The following ADGRV1 variants were observed in gnomAD, a reference collection of about 807,000 sequenced individuals.
ADGRV1 encodes the protein adhesion G protein-coupled receptor V1, also known as G-protein coupled receptor 98.
Under a neutral mutation model 596.2 loss-of-function variants are expected in ADGRV1, and 359 were observed. The ratio of observed to expected loss-of-function variants is 0.60; its 90% CI spans 0.55 to 0.66. The LOEUF is 0.66. ADGRV1 is among the 30% of genes least tolerant of loss of function. The pLI is 0.00. For missense variants in ADGRV1, 7,274 were observed against 7,575.6 expected (o/e 0.96, Z 1.48); for synonymous variants, 2,681 against 2,679.2 (o/e 1.00, Z -0.02).
chr5:90,832,449 A>C (rs1462760211), intron 77 of ADGRV1, among the ~76,000 whole-genome samples: 1 of 152,020 alleles, frequency 6.6e-6, no homozygotes, highest in Non-Finnish European at 1.5e-5. Flanking sequence ...AAATTGGATT[A>C]TTACATTTTT....
intron 27 of ADGRV1, among the ~76,000 whole-genome samples, chr5:90,681,825 A>C (rs10045394): frequency 0.68 from 91,749 of 134,180 alleles, 30,254 homozygotes; most frequent in East Asian, 0.81. Flanking sequence ...TCCCTCCCTC[A>C]CTCCGTCCCT....
At chr5:90,787,520 G>A (rs182938774) in intron 67 of ADGRV1, among the ~76,000 whole-genome samples, 6 of 151,060 alleles carry the variant, frequency 4.0e-5, no homozygotes, top group Admixed American at 4.0e-4. Context: ...CCTATGTGAT[G>A]ACAAATTATT....
intron 74 of ADGRV1, among the ~76,000 whole-genome samples, chr5:90,814,722 A>G (rs181202683): frequency 2.6e-5 from 4 of 152,304 alleles, no homozygotes; most frequent in South Asian, 2.1e-4. Context: ...CTGTGAATCA[A>G]TTAAACCTCT....
At chr5:90,843,763 A>C (rs1479744227) in intron 78 of ADGRV1, among the ~76,000 whole-genome samples, 1 of 152,216 alleles carries the variant, frequency 6.6e-6, no homozygotes. Flanking sequence ...TACACGTGTG[A>C]TGAGAATGTT....
intron 85 of ADGRV1, among the ~76,000 whole-genome samples, chr5:91,071,335 T>C (rs1237509737): frequency 6.6e-6 from 1 of 152,156 alleles, no homozygotes; most frequent in Admixed American, 6.5e-5. Context: ...GATGGCATTC[T>C]TCTTCTTTTG....
At chr5:90,927,322 A>G (rs1774602144) in intron 83 of ADGRV1, among the ~76,000 whole-genome samples, 1 of 151,394 alleles carries the variant, frequency 6.6e-6, no homozygotes, top group South Asian at 2.1e-4. Flanking sequence ...GTGCTCCTGT[A>G]TTGGGTGCAT....
chr5:90,756,442 C>A lies in ADGRV1; in HGVS notation c.11581-12C>A. The A allele has an allele frequency of 6.9e-7, 1 of 1,450,798 alleles. No individual in the cohort carries two copies. The highest frequency in any genetic ancestry group is 9.1e-7 in the Non-Finnish European group (1 of 1,094,870). The allele number at this position is 1,450,798 out of a possible 1,614,324, so 89.9% of individuals were successfully genotyped here. A position where few individuals can be genotyped will look rare whatever the true frequency, so the allele number is the denominator to read the frequency against. On this transcript the variant is annotated splice_polypyrimidine_tract_variant and intron_variant, in intron 55 of 89. Transcript: ENST00000405460. ...AAAAAATGAAACACCATCTTTTTCC[C>A]CCATCCCCCAGGATGACCTTCCTGA...
intron 27 of ADGRV1, among the ~76,000 whole-genome samples, chr5:90,682,309 G>A (rs547207247): frequency 7.2e-5 from 11 of 152,264 alleles, no homozygotes; most frequent in African/African-American, 2.6e-4. Flanking sequence ...GCTTCTTTCT[G>A]GAAGTGATTT....
In ADGRV1 at chr5:90,817,342, A is replaced by G. The variant is rs1386098860; in HGVS notation, c.16196+1606A>G. On this transcript the variant is annotated intron_variant, in intron 75 of 89. Coordinates refer to ENST00000405460, the MANE Select transcript of ADGRV1 (RefSeq NM_032119.4). ...TTTGTCAGATGAGTAGGTTGCGAAAATTGTCTCCCATTTTGTAGGTTGCCT... is the reference window on the plus strand; with the variant it reads ...TTTGTCAGATGAGTAGGTTGCGAAAGTTGTCTCCCATTTTGTAGGTTGCCT... Among the ~76,000 whole-genome samples the G allele has an allele frequency of 1.1e-4, 16 of 151,464 alleles. No homozygotes were observed. The East Asian group carries it at 2.9e-3, about 27-fold the overall frequency.
At chr5:90,675,551 G>A (rs571198709) in intron 24 of ADGRV1, 106 bp downstream of exon 24, 10 of 1,118,884 alleles carry the variant, frequency 8.9e-6, no homozygotes, top group Middle Eastern at 4.5e-4. Flanking sequence ...ACTCACGCCT[G>A]TAATCCTAGC....
At chr5:90,597,978 T>G (rs1289861050) in intron 1 of ADGRV1, among the ~76,000 whole-genome samples, 1 of 152,134 alleles carries the variant, frequency 6.6e-6, no homozygotes, top group African/African-American at 2.4e-5. Flanking sequence ...TGATGGGGAA[T>G]CTGATGCAAT....
chr5:90,935,298 A>T (rs1032078043), intron 83 of ADGRV1, among the ~76,000 whole-genome samples: 1 of 152,190 alleles, frequency 6.6e-6, no homozygotes, highest in Non-Finnish European at 1.5e-5. Flanking sequence ...CACATACTCC[A>T]TAGTTTTGCT....
intron 45 of ADGRV1, among the ~76,000 whole-genome samples, chr5:90,723,582 T>G (rs1751371903): frequency 6.6e-6 from 1 of 152,208 alleles, no homozygotes; most frequent in Admixed American, 6.5e-5. Flanking sequence ...TGTCCATATG[T>G]CAGGACCATT....
chr5:90,618,988 T>A (rs1341308534), intron 3 of ADGRV1, 98 bp from the exon 4 acceptor site: 2 of 533,370 alleles, frequency 3.7e-6, no homozygotes, highest in Non-Finnish European at 6.4e-6. Flanking sequence ...TTTTATTATA[T>A]TCTGAATAAC....
intron 83 of ADGRV1, among the ~76,000 whole-genome samples, chr5:90,963,251 T>C (rs1714400771): frequency 6.6e-6 from 1 of 152,166 alleles, no homozygotes; most frequent in Non-Finnish European, 1.5e-5. Context: ...TATTTATTTA[T>C]TTTTGCTAAA....
chr5:90,868,774 C>CA (rs1768382521), intron 83 of ADGRV1, among the ~76,000 whole-genome samples: 2 of 151,152 alleles, frequency 1.3e-5, no homozygotes, highest in African/African-American at 4.9e-5. Flanking sequence ...ACATTCTGCA[C>CA]ACAGATATGA....
chr5:91,035,668 A>G (rs1784799645), intron 85 of ADGRV1, among the ~76,000 whole-genome samples: 1 of 151,316 alleles, frequency 6.6e-6, no homozygotes, highest in Non-Finnish European at 1.5e-5. Context: ...TATAGATGAA[A>G]TCATGTATCT....
At chr5:90,899,603 A>G (rs1771649425) in intron 83 of ADGRV1, among the ~76,000 whole-genome samples, 1 of 152,182 alleles carries the variant, frequency 6.6e-6, no homozygotes, top group Non-Finnish European at 1.5e-5. Flanking sequence ...TACTTGTCTT[A>G]TAAATGACTT....
At chr5:90,648,343 A>T (rs1455175144) in intron 17 of ADGRV1, among the ~76,000 whole-genome samples, 1 of 152,186 alleles carries the variant, frequency 6.6e-6, no homozygotes, top group East Asian at 1.9e-4. Flanking sequence ...ACCTTCTGTA[A>T]ATTGGAAAGG....
Sources: allele counts gnomAD v4.1 joint callset (sites outside exome capture counted in the v4.1 genomes callset), GRCh38; gene constraint gnomAD v4.1.1; transcripts MANE v1.5; gene names NCBI Gene and HGNC (gene_info 2026-07-23, HGNC 2026-07-21).